ELAVL2: variants seen among roughly 807,000 people sequenced by gnomAD.
ELAVL2 encodes ELAV like RNA binding protein 2.
A neutral mutation model predicts 34.6 loss-of-function variants in ELAVL2; 4 were observed. The observed-to-expected ratio is 0.12, with a 90% CI of 0.06 to 0.26. The LOEUF (loss-of-function observed/expected upper bound fraction) is 0.26, where lower values mean the gene tolerates loss of function less well. Ranked by LOEUF, ELAVL2 falls within the 10% of genes least tolerant of loss-of-function variation. ELAVL2 has a pLI of 1.00. For missense variants in ELAVL2, 432 were observed against 442.8 expected (o/e 0.98, Z 0.22); for synonymous variants, 193 against 154.8 (o/e 1.25, Z -1.83).
intron 1 of ELAVL2, among the ~76,000 whole-genome samples, chr9:23,787,645 G>A (rs1217389557): frequency 1.3e-5 from 2 of 151,968 alleles, no homozygotes; most frequent in Non-Finnish European, 2.9e-5. Flanking sequence ...CAGAGCCCAT[G>A]CTCTTTGCAC....
At chr9:23,771,526 T>C (rs1166649562) in intron 1 of ELAVL2, among the ~76,000 whole-genome samples, 1 of 152,142 alleles carries the variant, frequency 6.6e-6, no homozygotes, top group Non-Finnish European at 1.5e-5. Context: ...GGATATTCAC[T>C]ATTCACTTTA....
At chr9:23,818,773 T>A (rs2064095971) in intron 1 of ELAVL2, among the ~76,000 whole-genome samples, 1 of 152,178 alleles carries the variant, frequency 6.6e-6, no homozygotes, top group Non-Finnish European at 1.5e-5. Flanking sequence ...AAAATACTGA[T>A]GCTACCATGC....
intron 3 of ELAVL2, among the ~76,000 whole-genome samples, chr9:23,729,506 C>T (rs1056588548): frequency 9.2e-5 from 14 of 152,174 alleles, no homozygotes; most frequent in African/African-American, 3.1e-4. Flanking sequence ...ATATAGATAA[C>T]GAGAAAAAGC....
intron 1 of ELAVL2, among the ~76,000 whole-genome samples, chr9:23,771,604 TA>T (rs1279538957): frequency 6.6e-6 from 1 of 152,132 alleles, no homozygotes; most frequent in Admixed American, 6.6e-5. Context: ...GGAGCAAATA[TA>T]AAATCACAAA....
chr9:23,807,002 A>G (rs1374060963), intron 1 of ELAVL2, among the ~76,000 whole-genome samples: 2 of 152,184 alleles, frequency 1.3e-5, no homozygotes, highest in African/African-American at 4.8e-5. Context: ...GCTGAAATCT[A>G]AAAGCTGTGA....
chr9:23,760,067 C>T (rs2135949403), intron 2 of ELAVL2, among the ~76,000 whole-genome samples: 1 of 151,794 alleles, frequency 6.6e-6, no homozygotes, highest in East Asian at 1.9e-4. Context: ...CCGTCTACCA[C>T]ACTAAAGTTA....
the ELAVL2 span, among the ~76,000 whole-genome samples, chr9:23,839,291 A>G: frequency 7.2e-5 from 11 of 152,162 alleles, no homozygotes; most frequent in Non-Finnish European, 1.3e-4. Context: ...TTGAAAAAAA[A>G]AAACTTATTT....
intron 2 of ELAVL2, among the ~76,000 whole-genome samples, chr9:23,732,339 A>C (rs2046785102): frequency 6.6e-6 from 1 of 152,208 alleles, no homozygotes; most frequent in Non-Finnish European, 1.5e-5. Context: ...CAATATGAAA[A>C]CTAGTGATTA....
chr9:23,793,107 T>G (rs543872067), intron 1 of ELAVL2, among the ~76,000 whole-genome samples: 6 of 152,268 alleles, frequency 3.9e-5, no homozygotes, highest in Admixed American at 1.3e-4. Context: ...CCTATTGTTG[T>G]GACAATTTGG....
At chr9:23,763,034 G>A (rs1165965456) in intron 1 of ELAVL2, among the ~76,000 whole-genome samples, 2 of 151,982 alleles carry the variant, frequency 1.3e-5, no homozygotes, top group Non-Finnish European at 2.9e-5. Flanking sequence ...CAAACACTTC[G>A]ATATGGTGTT....
intron 2 of ELAVL2, among the ~76,000 whole-genome samples, chr9:23,741,431 G>C (rs1207070237): frequency 6.6e-6 from 1 of 152,160 alleles, no homozygotes. Context: ...TCACTGAGCA[G>C]ATGCAGATGT....
chr9:23,794,391 G>C (rs1462476635), intron 1 of ELAVL2, among the ~76,000 whole-genome samples: 1 of 152,170 alleles, frequency 6.6e-6, no homozygotes, highest in Non-Finnish European at 1.5e-5. Context: ...CAGATTGACT[G>C]TTAAACACAC....
At chr9:23,741,181 A>C (rs868180280) in intron 2 of ELAVL2, among the ~76,000 whole-genome samples, 4 of 152,204 alleles carry the variant, frequency 2.6e-5, no homozygotes, top group Admixed American at 6.5e-5. Flanking sequence ...TTAAGGTAAT[A>C]GGAACATGGA....
chr9:23,805,495 G>A (rs1251829871), intron 1 of ELAVL2, among the ~76,000 whole-genome samples: 4 of 152,192 alleles, frequency 2.6e-5, no homozygotes, highest in Non-Finnish European at 5.9e-5. Flanking sequence ...AAAATGAGTT[G>A]CTTTAGAACG....
chr9:23,780,578 G>T lies in ELAVL2; in HGVS notation c.-15-18329C>A, dbSNP rs894807760. Among the ~76,000 whole-genome samples the T allele has an allele frequency of 5.7e-4, 86 of 152,064 alleles. 1 individual carries two copies. The highest frequency in any genetic ancestry group is 2.9e-4 in the Non-Finnish European group (20 of 68,024). On this transcript the variant is annotated intron_variant, in intron 1 of 6. Transcript: ENST00000397312. ...TTAGCTCACATCCATAACTATGTTGGCTTATACCAACATTCTTCTTATATT... is the reference window on the plus strand; with the variant it reads ...TTAGCTCACATCCATAACTATGTTGTCTTATACCAACATTCTTCTTATATT...
rs12352454 is a variant in ELAVL2 at position 23,753,211 on chromosome 9, A to G, written c.229+8795T>C. ...TTGACCTTTTGAGCTGGAAAAGCACACTCTGAGGGTTTCCACAGCTCTCAA... is the reference window on the plus strand; with the variant it reads ...TTGACCTTTTGAGCTGGAAAAGCACGCTCTGAGGGTTTCCACAGCTCTCAA... On this transcript the variant is annotated intron_variant, in intron 2 of 6. Coordinates refer to ENST00000397312, the MANE Select transcript of ELAVL2 (RefSeq NM_004432.5). Among the ~76,000 whole-genome samples, 1,485 of 152,256 alleles carry G rather than the reference A, an allele frequency of 9.8e-3. 21 individuals are homozygous for G. Among genetic ancestry groups the G allele is most frequent in the African/African-American group, 0.033 (1,370 of 41,552 alleles).
intron 2 of ELAVL2, among the ~76,000 whole-genome samples, chr9:23,759,786 ATAT>A (rs1564325084): frequency 0.052 from 6,827 of 130,308 alleles, 253 homozygotes; most frequent in East Asian, 0.15. Flanking sequence ...ATATATATAT[ATAT>A]AATGTATAGA....
At chr9:23,694,594 A>G (rs1385275991) in intron 5 of ELAVL2, among the ~76,000 whole-genome samples, 2 of 152,236 alleles carry the variant, frequency 1.3e-5, no homozygotes, top group South Asian at 2.1e-4. Flanking sequence ...GGTAAGTTTG[A>G]AAAGTCTCAG....
intron 3 of ELAVL2, among the ~76,000 whole-genome samples, 178 bp from the exon 4 acceptor site, chr9:23,705,249 G>C (rs991362587): frequency 1.3e-5 from 2 of 152,140 alleles, no homozygotes; most frequent in African/African-American, 4.8e-5. Flanking sequence ...ATGGGTAGTA[G>C]TATTCCCATT....
Sources: allele counts gnomAD v4.1 joint callset (sites outside exome capture counted in the v4.1 genomes callset), GRCh38; gene constraint gnomAD v4.1.1; transcripts MANE v1.5; gene names NCBI Gene and HGNC (gene_info 2026-07-23, HGNC 2026-07-21).